Variants in CNTN1 observed in about 807,000 individuals in gnomAD.
The protein encoded by CNTN1 is contactin-1.
In CNTN1, 38 loss-of-function variants were observed where a neutral mutation model predicts 126.4. That is an observed-to-expected ratio of 0.30 (90% CI 0.23 to 0.39). The LOEUF (loss-of-function observed/expected upper bound fraction) is 0.39, where lower values mean the gene tolerates loss of function less well. Among genes scored for constraint, CNTN1 ranks in the 10% least tolerant of loss-of-function variants. CNTN1 has a pLI of 1.00. For synonymous variants in CNTN1, 413 were observed against 422.6 expected, an observed-to-expected ratio of 0.98 and a Z score of 0.28; for missense variants, 1,009 against 1,248.4, an observed-to-expected ratio of 0.81 and a Z score of 2.89.
intron 1 of CNTN1, among the ~76,000 whole-genome samples, chr12:40,861,980 C>T (rs1943128594): frequency 6.6e-6 from 1 of 151,736 alleles, no homozygotes; most frequent in African/African-American, 2.4e-5. Context: ...GGGAGGGTTG[C>T]TTGAGGCCAG....
intron 1 of CNTN1, among the ~76,000 whole-genome samples, chr12:40,720,203 A>G (rs1158791722): frequency 6.6e-6 from 1 of 151,866 alleles, no homozygotes; most frequent in Non-Finnish European, 1.5e-5. Context: ...GAATTAGACT[A>G]TTTGTTTTTA....
chr12:40,878,569 A>G (rs1330083755), intron 1 of CNTN1, among the ~76,000 whole-genome samples: 1 of 152,180 alleles, frequency 6.6e-6, no homozygotes, highest in Non-Finnish European at 1.5e-5. Flanking sequence ...GTAAACCCAA[A>G]TCACCTACGC....
At chr12:40,942,922 C>A (rs77425179) in intron 12 of CNTN1, among the ~76,000 whole-genome samples, 2,491 of 152,028 alleles carry the variant, frequency 0.016, 59 homozygotes, top group African/African-American at 0.057. Context: ...ATGTTTTGTG[C>A]AAACTTTCAA....
chr12:40,713,735 C>A (rs551940067), intron 1 of CNTN1, among the ~76,000 whole-genome samples: 1 of 152,156 alleles, frequency 6.6e-6, no homozygotes, highest in African/African-American at 2.4e-5. Flanking sequence ...AATGAAGGAA[C>A]TCTATATGTT....
chr12:40,727,709 C>T (rs985495689), intron 1 of CNTN1, among the ~76,000 whole-genome samples: 7 of 152,108 alleles, frequency 4.6e-5, no homozygotes, highest in Admixed American at 3.9e-4. Context: ...GCAAAAACTA[C>T]GCATGCTACA....
chr12:40,810,851 A>G (rs1352492625), intron 1 of CNTN1, among the ~76,000 whole-genome samples: 2 of 152,096 alleles, frequency 1.3e-5, no homozygotes, highest in Non-Finnish European at 2.9e-5. Context: ...CCTCATATCT[A>G]CCAAATATAA....
At chr12:40,906,236 A>G (rs1471737153) in intron 1 of CNTN1, among the ~76,000 whole-genome samples, 2 of 152,144 alleles carry the variant, frequency 1.3e-5, no homozygotes, top group Non-Finnish European at 2.9e-5. Flanking sequence ...GCACCACTGC[A>G]CTCCAGACTG....
intron 23 of CNTN1, among the ~76,000 whole-genome samples, chr12:41,063,718 T>C (rs767242063): frequency 9.2e-5 from 14 of 152,174 alleles, no homozygotes; most frequent in Non-Finnish European, 2.1e-4. Flanking sequence ...GCCACAGTTA[T>C]TGGTCTGGGG....
intron 1 of CNTN1, among the ~76,000 whole-genome samples, chr12:40,891,045 G>T (rs1003566143): frequency 5.3e-5 from 8 of 152,140 alleles, no homozygotes; most frequent in African/African-American, 1.9e-4. Flanking sequence ...TTTGGTGTTA[G>T]ATTTTTGCCA....
At chr12:40,693,517 A>T (rs1269593783) in intron 1 of CNTN1, among the ~76,000 whole-genome samples, 1 of 152,228 alleles carries the variant, frequency 6.6e-6, no homozygotes, top group Non-Finnish European at 1.5e-5. Context: ...CCGACGCTGC[A>T]TCACCCTCTG....
chr12:40,939,394 G>A lies in CNTN1; in HGVS notation c.1288G>A (p.Gly430Arg). 6.2e-7 allele frequency: 1 copy of A among 1,613,948 alleles called. No individual in the cohort carries two copies. Among genetic ancestry groups the A allele is most frequent in the East Asian group, 2.2e-5 (1 of 44,846 alleles). Residue 430 changes from glycine to arginine, a missense_variant, in exon 12 of 24, where the codon GGA becomes AGA. By Grantham distance (125) the Gly-to-Arg change is moderately radical (BLOSUM62 -2). Coordinates refer to ENST00000551295, the MANE Select transcript of CNTN1 (RefSeq NM_001843.4). ...MKKKILAAKG[G>R]RVIIECKPKA... The stretch of plus-strand genomic sequence containing the variant: ...GAAAAAGATCCTGGCTGCTAAAGGT[G>A]GAAGGGTGATAATTGAATGCAAACC...
chr12:40,975,203 T>C (rs1947640774), intron 15 of CNTN1, among the ~76,000 whole-genome samples: 1 of 144,410 alleles, frequency 6.9e-6, no homozygotes, highest in African/African-American at 2.5e-5. Flanking sequence ...TATATATATA[T>C]ATATATATAT....
At chr12:40,773,847 T>C (rs1939472681) in intron 1 of CNTN1, among the ~76,000 whole-genome samples, 1 of 151,300 alleles carries the variant, frequency 6.6e-6, no homozygotes, top group Non-Finnish European at 1.5e-5. Context: ...CAAACATTAG[T>C]TTACATTATA....
Position 40,959,110 on chromosome 12 carries a change from A to C in CNTN1, c.1684-4A>C, listed in dbSNP as rs1447800387. 1.2e-6 allele frequency: 2 copies of C among 1,612,300 alleles called. No individual in the cohort carries two copies. The highest frequency in any genetic ancestry group is 3.3e-5 in the Admixed American group (2 of 59,796). Reference sequence around the variant, plus strand: ...ATTTGAATAATTGCTGTTTTTGCTAACAGCTGGATTCCAATGGGGAATTAC... The same window carrying C: ...ATTTGAATAATTGCTGTTTTTGCTACCAGCTGGATTCCAATGGGGAATTAC... On this transcript the variant is annotated splice_polypyrimidine_tract_variant and splice_region_variant and intron_variant, in intron 14 of 23. Coordinates refer to ENST00000551295, the MANE Select transcript of CNTN1 (RefSeq NM_001843.4).
Position 40,943,999 on chromosome 12 carries a change from T to G in CNTN1, c.1512T>G (p.Pro504=), listed in dbSNP as rs1468515472. The G allele has an allele frequency of 6.2e-7, 1 of 1,613,294 alleles. No homozygotes were observed. Among genetic ancestry groups the G allele is most frequent in the Non-Finnish European group, 8.5e-7 (1 of 1,179,412 alleles). ...NSTGTLVITD[P]TRIILAPINA... ...TTTACATTTAAAAATATATAGATCCTACGCGAATTATATTGGCCCCAATTA... is the reference window on the plus strand; with the variant it reads ...TTTACATTTAAAAATATATAGATCCGACGCGAATTATATTGGCCCCAATTA... The change falls in exon 14 of 24, where the codon CCT becomes CCG. Residue 504 remains proline (P), a synonymous_variant. Coordinates refer to ENST00000551295, the MANE Select transcript of CNTN1 (RefSeq NM_001843.4).
chr12:40,839,935 G>A (rs1942209948), intron 1 of CNTN1, among the ~76,000 whole-genome samples: 2 of 152,086 alleles, frequency 1.3e-5, no homozygotes, highest in South Asian at 2.1e-4. Flanking sequence ...AAAAGAAAAG[G>A]ACAAGGAATA....
chr12:40,813,232 G>GA (rs59277406), intron 1 of CNTN1, among the ~76,000 whole-genome samples: 442 of 145,724 alleles, frequency 3.0e-3, no homozygotes, highest in Middle Eastern at 0.01. Context: ...CTTCTAAAAA[G>GA]AAAAAAAAAA....
intron 1 of CNTN1, among the ~76,000 whole-genome samples, chr12:40,736,994 GT>G (rs1937714763): frequency 6.6e-6 from 1 of 151,892 alleles, no homozygotes; most frequent in Non-Finnish European, 1.5e-5. Flanking sequence ...CACGAAATCA[GT>G]ATTTTTCTAG....
intron 1 of CNTN1, among the ~76,000 whole-genome samples, chr12:40,759,760 C>T (rs1381039473): frequency 6.7e-6 from 1 of 148,724 alleles, no homozygotes; most frequent in South Asian, 2.1e-4. Context: ...TGAGCCACCT[C>T]ACTTGGCCCA....
Sources: gnomAD v4.1 joint callset for allele counts (sites outside exome capture counted in the v4.1 genomes callset) on GRCh38, gnomAD v4.1.1 for gene constraint, MANE v1.5 for transcripts, NCBI Gene and HGNC (gene_info 2026-07-23, HGNC 2026-07-21) for gene names.